BACE2: variants seen among roughly 807,000 people sequenced by gnomAD.
The protein encoded by BACE2 is 56 kDa aspartic-like protease.
A neutral mutation model predicts 46.2 loss-of-function variants in BACE2; 17 were observed. The observed-to-expected ratio is 0.37, with a 90% CI of 0.25 to 0.55. The LOEUF (loss-of-function observed/expected upper bound fraction) is 0.55, where lower values mean the gene tolerates loss of function less well. BACE2 is among the 20% of genes least tolerant of loss of function. The probability of loss-of-function intolerance (pLI) is 0.82; values close to 1 mark genes in which losing one functional copy is unlikely to be tolerated. For synonymous variants in BACE2, 277 were observed against 295.9 expected, an observed-to-expected ratio of 0.94 and a Z score of 0.66; for missense variants, 595 against 698.1, an observed-to-expected ratio of 0.85 and a Z score of 1.66.
At chr21:41,228,467 G>A (rs1277579992) in intron 2 of BACE2, among the ~76,000 whole-genome samples, 1 of 152,208 alleles carries the variant, frequency 6.6e-6, no homozygotes, top group East Asian at 1.9e-4. Context: ...TCTGCAGGCT[G>A]TACAAGAAGC....
intron 8 of BACE2, among the ~76,000 whole-genome samples, chr21:41,267,081 T>C (rs2088384897): frequency 6.6e-6 from 1 of 152,116 alleles, no homozygotes; most frequent in African/African-American, 2.4e-5. Context: ...TGGGACACTT[T>C]TTCAAAATAC....
At chr21:41,256,600 A>T (rs958721996) in intron 7 of BACE2, among the ~76,000 whole-genome samples, 3 of 152,190 alleles carry the variant, frequency 2.0e-5, no homozygotes, top group Non-Finnish European at 4.4e-5. Flanking sequence ...CAGGTTAGAT[A>T]AACTTAACCA....
rs554751083 is a variant in BACE2 at position 41,277,404 on chromosome 21, C to T, written c.*1780C>T. 1 of 152,184 alleles carries T rather than the reference C, an allele frequency of 6.6e-6. No individual in the cohort carries two copies. Among genetic ancestry groups the T allele is most frequent in the Non-Finnish European group, 1.5e-5 (1 of 68,072 alleles). 9.4% of individuals were successfully genotyped at this position (152,184 alleles called of 1,614,324 possible). On this transcript the variant is annotated 3_prime_UTR_variant, in exon 9 of 9. Coordinates refer to ENST00000330333, the MANE Select transcript of BACE2 (RefSeq NM_012105.5). ...CGGCACGGAACGGGAGGAGGGGGCT[C>T]TTGTATCAGGGCCCGTTGTCACATC...
intron 8 of BACE2, among the ~76,000 whole-genome samples, chr21:41,271,440 C>T (rs759974417): frequency 1.6e-4 from 25 of 152,256 alleles, no homozygotes; most frequent in East Asian, 5.8e-4. Flanking sequence ...TGGCCCTTTA[C>T]GGAAAAAGTT....
intron 1 of BACE2, chr21:41,178,914 G>T: frequency 5.9e-6 from 2 of 337,226 alleles, no homozygotes; most frequent in South Asian, 6.3e-5. Context: ...ATGTGGGAAG[G>T]GGTATTGGTG....
At chr21:41,170,509 A>ATCTT (rs376497153) in intron 1 of BACE2, among the ~76,000 whole-genome samples, 4 of 152,248 alleles carry the variant, frequency 2.6e-5, no homozygotes, top group Non-Finnish European at 5.9e-5. Flanking sequence ...TTATAACCAA[A>ATCTT]TCTTTCCAAA....
chr21:41,190,500 T>G (rs1174826413), intron 1 of BACE2, among the ~76,000 whole-genome samples: 1 of 152,244 alleles, frequency 6.6e-6, no homozygotes, highest in African/African-American at 2.4e-5. Flanking sequence ...AAAATACTCA[T>G]GACAATTACA....
chr21:41,168,322 C>T lies in BACE2; in HGVS notation c.59C>T (p.Ala20Val). ...CTGCTGGCCCAGTGGCTCCTGCGCG[C>T]CGCCCCGGAGCTGGCCCCCGCGCCC... ...LPLLAQWLLR[A>V]APELAPAPFT... Residue 20 changes from alanine to valine, a missense_variant, in exon 1 of 9, where the codon GCC becomes GTC. By Grantham distance (64) the Ala-to-Val change is moderately conservative. This residue lies in a region of BACE2 where 248 missense variants were observed against 261.4 expected (regional missense o/e 0.95). Transcript: ENST00000330333. 1 of 1,339,080 alleles carries T rather than the reference C, an allele frequency of 7.5e-7. No homozygotes were observed. The highest frequency in any genetic ancestry group is 1.9e-5 in the South Asian group (1 of 52,862). The allele number at this position is 1,339,080 out of a possible 1,614,324, so 82.9% of individuals were successfully genotyped here.
chr21:41,217,184 C>G (rs1468463396), intron 1 of BACE2, among the ~76,000 whole-genome samples: 1 of 152,238 alleles, frequency 6.6e-6, no homozygotes, highest in Non-Finnish European at 1.5e-5. Flanking sequence ...CCGCCTCGGC[C>G]TCCCAAAGTG....
intron 3 of BACE2, among the ~76,000 whole-genome samples, chr21:41,240,113 T>A (rs1808797850): frequency 2.6e-5 from 4 of 152,184 alleles, no homozygotes; most frequent in Admixed American, 1.3e-4. Context: ...GTAGGACTCA[T>A]AGGAAGCAGA....
intron 1 of BACE2, among the ~76,000 whole-genome samples, chr21:41,216,827 A>C (rs1293686263): frequency 6.6e-6 from 1 of 152,220 alleles, no homozygotes; most frequent in Non-Finnish European, 1.5e-5. Context: ...TACTGAGTGC[A>C]GAGTTGCCAG....
chr21:41,207,605 T>C (rs1986168936), intron 1 of BACE2, among the ~76,000 whole-genome samples: 1 of 152,000 alleles, frequency 6.6e-6, no homozygotes, highest in African/African-American at 2.4e-5. Context: ...CCTTGTTCTC[T>C]CTCTCTGCCT....
At chr21:41,216,021 G>A (rs1320595671) in intron 1 of BACE2, among the ~76,000 whole-genome samples, 2 of 152,214 alleles carry the variant, frequency 1.3e-5, no homozygotes, top group African/African-American at 4.8e-5. Flanking sequence ...CATGAGGTGA[G>A]GAACCTGGAA....
intron 1 of BACE2, chr21:41,184,291 C>T (rs1391345028): frequency 1.8e-5 from 3 of 167,042 alleles, no homozygotes; most frequent in Non-Finnish European, 2.9e-5. Flanking sequence ...ACTTCTTTAA[C>T]CTTGTCATAA....
At chr21:41,201,687 C>G (rs750995987) in intron 1 of BACE2, among the ~76,000 whole-genome samples, 36 of 152,218 alleles carry the variant, frequency 2.4e-4, no homozygotes, top group Non-Finnish European at 4.9e-4. Context: ...CATATGAACA[C>G]CCTCCCAAAA....
At chr21:41,197,346 A>G (rs1160387695) in intron 1 of BACE2, among the ~76,000 whole-genome samples, 1 of 151,552 alleles carries the variant, frequency 6.6e-6, no homozygotes, top group Non-Finnish European at 1.5e-5. Flanking sequence ...AGAAAGTCAC[A>G]GTTCCAGATT....
chr21:41,238,720 G>T (rs904938880), intron 3 of BACE2, among the ~76,000 whole-genome samples: 1 of 146,266 alleles, frequency 6.8e-6, no homozygotes, highest in Non-Finnish European at 1.5e-5. Context: ...ACCAAACACC[G>T]CATATTCTCA....
intron 1 of BACE2, among the ~76,000 whole-genome samples, chr21:41,190,364 AC>A (rs1170594342): frequency 1.3e-5 from 2 of 152,238 alleles, no homozygotes; most frequent in African/African-American, 4.8e-5. Context: ...AGTTAACAAT[AC>A]TTAAATGCTG....
At chr21:41,173,017 CT>C (rs2123483083) in intron 1 of BACE2, among the ~76,000 whole-genome samples, 1 of 152,298 alleles carries the variant, frequency 6.6e-6, no homozygotes, top group South Asian at 2.1e-4. Flanking sequence ...TTCCTCTCTT[CT>C]TATAAGGAGA....
Sources: allele counts gnomAD v4.1 joint callset (sites outside exome capture counted in the v4.1 genomes callset), GRCh38; gene constraint gnomAD v4.1.1; regional missense constraint gnomAD v4.1.1; transcripts MANE v1.5; gene names NCBI Gene and HGNC (gene_info 2026-07-23, HGNC 2026-07-21).